Variants in CAMK4 observed in about 807,000 individuals in gnomAD.
The protein encoded by CAMK4 is calcium/calmodulin dependent protein kinase IV.
Under a neutral mutation model 44.9 loss-of-function variants are expected in CAMK4, and 22 were observed. That is an observed-to-expected ratio of 0.49 (90% CI 0.35 to 0.70). CAMK4 has a LOEUF of 0.70. Ranked by LOEUF, CAMK4 falls within the 30% of genes least tolerant of loss-of-function variation. CAMK4 has a pLI of 0.01. For missense variants in CAMK4, 498 were observed against 586.8 expected (o/e 0.85, Z 1.56); for synonymous variants, 218 against 215.4 (o/e 1.01, Z -0.11).
At chr5:111,300,341 C>G (rs775154824) in intron 1 of CAMK4, among the ~76,000 whole-genome samples, 1 of 152,112 alleles carries the variant, frequency 6.6e-6, no homozygotes, top group Non-Finnish European at 1.5e-5. Context: ...AAATCTGAAA[C>G]TTTGCCTTGT....
At chr5:111,248,720 G>C (rs1254106598) in intron 1 of CAMK4, among the ~76,000 whole-genome samples, 1 of 152,148 alleles carries the variant, frequency 6.6e-6, no homozygotes, top group Non-Finnish European at 1.5e-5. Flanking sequence ...TATATTATCA[G>C]ATCAAACAGA....
chr5:111,343,444 G>A (rs1580622721), intron 1 of CAMK4, among the ~76,000 whole-genome samples: 1 of 151,824 alleles, frequency 6.6e-6, no homozygotes, highest in East Asian at 1.9e-4. Context: ...ACGTTGTCCT[G>A]CTTTTTAATG....
chr5:111,253,711 T>G (rs1749619415), intron 1 of CAMK4, among the ~76,000 whole-genome samples: 1 of 152,200 alleles, frequency 6.6e-6, no homozygotes, highest in Non-Finnish European at 1.5e-5. Context: ...GATTAGCTAC[T>G]GAGAGGTTAT....
rs2112511782 is a variant in CAMK4, at chr5:111,486,983, A to C, written c.*2517A>C. 6.6e-6 allele frequency: 1 copy of C among 152,324 alleles called. No homozygotes were observed. Among genetic ancestry groups the C allele is most frequent in the East Asian group, 1.9e-4 (1 of 5,192 alleles). The allele number at this position is 152,324 out of a possible 1,614,324, so 9.4% of individuals were successfully genotyped here. On this transcript the variant is annotated 3_prime_UTR_variant, in exon 11 of 11. Transcript: ENST00000282356. ...AATCAAACTTTCAAAAATGTTGGTC[A>C]TTTCAGTCAAATTATTCAAAGATTT...
At chr5:111,363,956 A>G (rs952678288) in intron 2 of CAMK4, among the ~76,000 whole-genome samples, 6 of 152,238 alleles carry the variant, frequency 3.9e-5, no homozygotes, top group African/African-American at 1.2e-4. Context: ...TATAAAGGGT[A>G]AGGATCAAAG....
rs374351375 is a variant in CAMK4 at position 111,344,115 on chromosome 5, C to G, written c.240+13C>G. ...GTTAAAGAAAACAGTAAGTTTATTT[C>G]TTATATAATGGCATCTCTAAGGGGC... On this transcript the variant is annotated intron_variant, in intron 2 of 10. Coordinates refer to ENST00000282356, the MANE Select transcript of CAMK4 (RefSeq NM_001744.6). The G allele has an allele frequency of 4.7e-6, 7 of 1,505,126 alleles. No individual in the cohort carries two copies. The African/African-American group carries it at 9.7e-5, about 21-fold the overall frequency. 93.2% of individuals were successfully genotyped at this position (1,505,126 alleles called of 1,614,324 possible).
intron 7 of CAMK4, among the ~76,000 whole-genome samples, chr5:111,459,686 C>CTTGTTTTTTTTTTTTTTTTTT (rs1754565876): frequency 1.2e-5 from 1 of 86,690 alleles, no homozygotes; most frequent in African/African-American, 5.0e-5. Flanking sequence ...TAGAGACAGT[C>CTTGTTTTTTTTTTTTTTTTTT]TTTTTTTTTT....
intron 1 of CAMK4, among the ~76,000 whole-genome samples, chr5:111,276,553 C>A (rs937478848): frequency 2.6e-4 from 40 of 152,218 alleles, no homozygotes; most frequent in African/African-American, 9.6e-4. Flanking sequence ...CATAACAAGA[C>A]CCCATCTGTA....
At chr5:111,479,084 G>A (rs1242361074) in intron 9 of CAMK4, among the ~76,000 whole-genome samples, 2 of 152,044 alleles carry the variant, frequency 1.3e-5, no homozygotes, top group African/African-American at 4.8e-5. Flanking sequence ...TTGCTATGTT[G>A]CCCAGGCTGG....
At chr5:111,284,533 C>T (rs1230475852) in intron 1 of CAMK4, among the ~76,000 whole-genome samples, 1 of 152,112 alleles carries the variant, frequency 6.6e-6, no homozygotes, top group African/African-American at 2.4e-5. Context: ...CCTTGTCTGG[C>T]TCTGGGCGGA....
At chr5:111,230,537 A>T (rs1748418856) in intron 1 of CAMK4, among the ~76,000 whole-genome samples, 1 of 150,704 alleles carries the variant, frequency 6.6e-6, no homozygotes. Context: ...TACTGTCACA[A>T]GGTTAAAAAT....
rs1384997541 is a variant in CAMK4, at chr5:111,494,337, T to C, written c.*9871T>C. On this transcript the variant is annotated 3_prime_UTR_variant, in exon 11 of 11. Coordinates refer to ENST00000282356, the MANE Select transcript of CAMK4 (RefSeq NM_001744.6). Reference sequence around the variant, plus strand: ...ACTTCATTTTTAAAACCTGACAATATGGTGCTATTGACTACTTAATACAAA... The same window carrying C: ...ACTTCATTTTTAAAACCTGACAATACGGTGCTATTGACTACTTAATACAAA... 6.6e-6 allele frequency: 1 copy of C among 152,184 alleles called. No homozygotes were observed. The highest frequency in any genetic ancestry group is 1.5e-5 in the Non-Finnish European group (1 of 68,028). The allele number at this position is 152,184 out of a possible 1,614,324, so 9.4% of individuals were successfully genotyped here.
chr5:111,339,044 C>T (rs934957438), intron 1 of CAMK4, among the ~76,000 whole-genome samples: 2 of 151,014 alleles, frequency 1.3e-5, no homozygotes, highest in African/African-American at 2.4e-5. Context: ...TGCTTTAAGC[C>T]ATATGCTTTG....
rs540495109 is a variant in CAMK4, at chr5:111,396,631, C to CTTTTTTTTTTTTTTTT, written c.459+1861_459+1876dup. Among the ~76,000 whole-genome samples the CTTTTTTTTTTTTTTTT allele has an allele frequency of 6.3e-3, 298 of 47,016 alleles. 78 individuals carry two copies. The highest frequency in any genetic ancestry group is 8.2e-3 in the Non-Finnish European group (228 of 27,864). The allele number at this position is 47,016 out of a possible 152,430, so 30.8% of individuals were successfully genotyped here. ...ACTTTAATTGCCATTAACTCATATT[C>CTTTTTTTTTTTTTTTT]TTTTTTTTTTTTTTTTTTTTTTTTT... On this transcript the variant is annotated intron_variant, in intron 5 of 10. Coordinates refer to ENST00000282356, the MANE Select transcript of CAMK4 (RefSeq NM_001744.6).
intron 1 of CAMK4, among the ~76,000 whole-genome samples, chr5:111,237,467 G>A (rs1363856002): frequency 6.6e-6 from 1 of 152,226 alleles, no homozygotes; most frequent in Non-Finnish European, 1.5e-5. Flanking sequence ...CTTTCTAAGT[G>A]TGTTGGAGGA....
chr5:111,448,935 C>G (rs1754125114), intron 6 of CAMK4, among the ~76,000 whole-genome samples, 194 bp from the exon 7 acceptor site: 1 of 152,172 alleles, frequency 6.6e-6, no homozygotes, highest in Non-Finnish European at 1.5e-5. Context: ...ATATTTTTCT[C>G]CAATTTAAAG....
At chr5:111,242,787 T>G (rs1209152169) in intron 1 of CAMK4, among the ~76,000 whole-genome samples, 1 of 152,160 alleles carries the variant, frequency 6.6e-6, no homozygotes, top group Non-Finnish European at 1.5e-5. Context: ...CCTGTGTTCT[T>G]GTGCAGCACC....
chr5:111,450,929 G>A (rs1054474184), intron 7 of CAMK4, among the ~76,000 whole-genome samples: 15 of 151,982 alleles, frequency 9.9e-5, no homozygotes, highest in African/African-American at 3.6e-4. Flanking sequence ...TTTCTATAGC[G>A]CTTATATTTG....
At chr5:111,477,996 T>G (rs1482011546) in intron 8 of CAMK4, among the ~76,000 whole-genome samples, 3 of 152,076 alleles carry the variant, frequency 2.0e-5, no homozygotes, top group Admixed American at 6.6e-5. Flanking sequence ...TGTCTGCCTG[T>G]CTGTCTGTCT....
Sources: gnomAD v4.1 joint callset for allele counts (sites outside exome capture counted in the v4.1 genomes callset) on GRCh38, gnomAD v4.1.1 for gene constraint, MANE v1.5 for transcripts, NCBI Gene and HGNC (gene_info 2026-07-23, HGNC 2026-07-21) for gene names.